The following CAMKMT variants were observed in gnomAD, a reference collection of about 807,000 sequenced individuals.
CAMKMT encodes the protein CaM KMT.
A neutral mutation model predicts 48.0 loss-of-function variants in CAMKMT; 53 were observed. The observed-to-expected ratio is 1.10, with a 90% CI of 0.89 to 1.39. The LOEUF is 1.39. CAMKMT is among the 40% of genes most tolerant of loss of function. The pLI is 0.00. For synonymous variants in CAMKMT, 165 were observed against 152.3 expected (o/e 1.08, Z -0.61); for missense variants, 428 against 402.7 (o/e 1.06, Z -0.54).
At chr2:44,631,189 C>T (rs1251833814) in intron 3 of CAMKMT, among the ~76,000 whole-genome samples, 10 of 152,012 alleles carry the variant, frequency 6.6e-5, no homozygotes, top group Admixed American at 6.6e-4. Flanking sequence ...TAGGTGGGAA[C>T]TGAACAGTGA....
Position 44,668,008 on chromosome 2 carries a change from C to T in CAMKMT, c.377-36275C>T, listed in dbSNP as rs370218303. Among the ~76,000 whole-genome samples the T allele has an allele frequency of 1.4e-4, 21 of 152,286 alleles. 1 individual carries two copies. In the East Asian group the frequency reaches 1.9e-3, roughly 14 times the overall value. Reference sequence around the variant, plus strand: ...GCTCTAATTAAACTCTGAGCCTGTCCCTGAGCAGCTGACTGTGGCAATCAA... The same window carrying T: ...GCTCTAATTAAACTCTGAGCCTGTCTCTGAGCAGCTGACTGTGGCAATCAA... On this transcript the variant is annotated intron_variant, in intron 3 of 10. Transcript: ENST00000378494.
intron 3 of CAMKMT, among the ~76,000 whole-genome samples, chr2:44,550,086 ACAT>A (rs1167702096): frequency 3.9e-5 from 6 of 152,324 alleles, no homozygotes; most frequent in African/African-American, 1.4e-4. Context: ...AGCACAAAGA[ACAT>A]CAGCATATAT....
chr2:44,593,998 G>C (rs566554072), intron 3 of CAMKMT, among the ~76,000 whole-genome samples: 148 of 152,012 alleles, frequency 9.7e-4, no homozygotes, highest in African/African-American at 3.4e-3. Context: ...CCCCACCTCA[G>C]GTGATCTGCC....
At chr2:44,471,935 G>A (rs1300307743) in intron 3 of CAMKMT, among the ~76,000 whole-genome samples, 1 of 151,824 alleles carries the variant, frequency 6.6e-6, no homozygotes, top group Admixed American at 6.6e-5. Flanking sequence ...CCTGCCTGGG[G>A]CTCCCAAAGT....
At chr2:44,737,887 T>TTG (rs1553445464) in intron 7 of CAMKMT, among the ~76,000 whole-genome samples, 3 of 115,776 alleles carry the variant, frequency 2.6e-5, no homozygotes, top group Admixed American at 8.0e-5. Flanking sequence ...AGATGGAGTC[T>TTG]CGCTGTTACC....
chr2:44,756,459 T>C (rs1680384503), intron 9 of CAMKMT, among the ~76,000 whole-genome samples: 1 of 151,846 alleles, frequency 6.6e-6, no homozygotes, highest in African/African-American at 2.4e-5. Context: ...CCCACAAAGA[T>C]GGCCGGGCAC....
intron 3 of CAMKMT, among the ~76,000 whole-genome samples, chr2:44,527,327 AC>A (rs1666182916): frequency 6.9e-6 from 1 of 144,162 alleles, no homozygotes; most frequent in African/African-American, 2.5e-5. Flanking sequence ...ATACATATAT[AC>A]ATATATAATA....
At chr2:44,478,547 T>C (rs1668804467) in intron 3 of CAMKMT, among the ~76,000 whole-genome samples, 1 of 152,248 alleles carries the variant, frequency 6.6e-6, no homozygotes, top group South Asian at 2.1e-4. Flanking sequence ...TAACACCTTT[T>C]ATTTGTTAAC....
At chr2:44,535,578 C>T (rs1666731654) in intron 3 of CAMKMT, among the ~76,000 whole-genome samples, 1 of 152,084 alleles carries the variant, frequency 6.6e-6, no homozygotes, top group South Asian at 2.1e-4. Flanking sequence ...GCAAAGATTG[C>T]TCAATATATG....
intron 3 of CAMKMT, among the ~76,000 whole-genome samples, chr2:44,655,346 A>T (rs1178441374): frequency 3.9e-5 from 6 of 152,216 alleles, no homozygotes; most frequent in African/African-American, 1.2e-4. Context: ...AATAATAATG[A>T]TACATTATGC....
At chr2:44,708,211 A>ATTTTT (rs59281575) in intron 6 of CAMKMT, among the ~76,000 whole-genome samples, 4,717 of 68,060 alleles carry the variant, frequency 0.069, 761 homozygotes, top group African/African-American at 0.16. Flanking sequence ...TTTGCTTTGG[A>ATTTTT]TTTTTTTTTT....
intron 3 of CAMKMT, among the ~76,000 whole-genome samples, chr2:44,399,203 T>C (rs999329037): frequency 8.5e-5 from 13 of 152,344 alleles, no homozygotes; most frequent in African/African-American, 2.9e-4. Context: ...ATCAGACTTC[T>C]GTATCACTTA....
chr2:44,618,510 T>C lies in CAMKMT; in HGVS notation c.377-85773T>C, dbSNP rs928722108. On this transcript the variant is annotated intron_variant, in intron 3 of 10. Coordinates refer to ENST00000378494, the MANE Select transcript of CAMKMT (RefSeq NM_024766.5). This position sits in a 1 kb window ranked among gnomAD's most constrained non-coding sequence, Gnocchi z 4.0. ...CTTTTCAGACTGCGATGAGATGACA[T>C]TGATGATGACACGTTGAGCATTGGT... Among the ~76,000 whole-genome samples, 1 of 152,218 alleles carries C rather than the reference T, an allele frequency of 6.6e-6. No homozygotes were observed. The highest frequency in any genetic ancestry group is 6.5e-5 in the Admixed American group (1 of 15,288).
At chr2:44,511,995 G>A (rs1002154384) in intron 3 of CAMKMT, among the ~76,000 whole-genome samples, 1 of 152,180 alleles carries the variant, frequency 6.6e-6, no homozygotes, top group East Asian at 1.9e-4. Flanking sequence ...GAACAGGTAT[G>A]AATGAAAACG....
intron 3 of CAMKMT, among the ~76,000 whole-genome samples, chr2:44,626,476 G>T (rs1179788262): frequency 3.3e-5 from 5 of 151,934 alleles, no homozygotes; most frequent in Non-Finnish European, 4.4e-5. Flanking sequence ...GTCCATTTGG[G>T]CTATTATGTC....
At chr2:44,423,487 A>T (rs776417205) in intron 3 of CAMKMT, among the ~76,000 whole-genome samples, 1 of 152,068 alleles carries the variant, frequency 6.6e-6, no homozygotes, top group Non-Finnish European at 1.5e-5. Context: ...CTGGGCCAAA[A>T]CCCTTAACTC....
At chr2:44,701,968 AT>A (rs201218477) in intron 3 of CAMKMT, among the ~76,000 whole-genome samples, 122 of 148,390 alleles carry the variant, frequency 8.2e-4, no homozygotes, top group African/African-American at 2.0e-3. Flanking sequence ...ATTTTACGTG[AT>A]TTTTTTTTTT....
intron 3 of CAMKMT, among the ~76,000 whole-genome samples, chr2:44,569,312 T>A (rs1490299199): frequency 6.6e-6 from 1 of 152,224 alleles, no homozygotes; most frequent in East Asian, 1.9e-4. Flanking sequence ...GATGCAAATA[T>A]CATCGGCTTC....
At chr2:44,456,090 C>A (rs987997803) in intron 3 of CAMKMT, among the ~76,000 whole-genome samples, 2 of 152,080 alleles carry the variant, frequency 1.3e-5, no homozygotes, top group Admixed American at 1.3e-4. Context: ...TAAATGGTGC[C>A]TTGTGTAATT....
Sources: gnomAD v4.1 joint callset for allele counts (sites outside exome capture counted in the v4.1 genomes callset) on GRCh38, gnomAD v4.1.1 for gene constraint, Gnocchi (gnomAD v3.1) non-coding constraint, MANE v1.5 for transcripts, NCBI Gene and HGNC (gene_info 2026-07-23, HGNC 2026-07-21) for gene names.